Variants in COL25A1 observed in about 807,000 individuals in gnomAD.
The protein encoded by COL25A1 is collagen type XXV alpha 1 chain.
Under a neutral mutation model 128.4 loss-of-function variants are expected in COL25A1, and 103 were observed. The observed-to-expected ratio is 0.80, with a 90% CI of 0.68 to 0.94. COL25A1 has a LOEUF of 0.94. Among genes scored for constraint, COL25A1 ranks in the 40% least tolerant of loss-of-function variants. The pLI is 0.00. For synonymous variants in COL25A1, 279 were observed against 277.2 expected (o/e 1.01, Z -0.06); for missense variants, 745 against 840.0 (o/e 0.89, Z 1.40).
intron 3 of COL25A1, among the ~76,000 whole-genome samples, chr4:109,229,085 G>A (rs1462500964): frequency 1.3e-5 from 2 of 152,122 alleles, no homozygotes; most frequent in East Asian, 3.8e-4. Context: ...ATATCTTAAA[G>A]AAAACCCCCA....
intron 5 of COL25A1, among the ~76,000 whole-genome samples, chr4:109,039,971 G>A (rs1759728298): frequency 6.6e-6 from 1 of 152,046 alleles, no homozygotes; most frequent in Non-Finnish European, 1.5e-5. Flanking sequence ...ATATCTTTGA[G>A]GCCAAAGATA....
chr4:109,109,602 G>C (rs542605424), intron 3 of COL25A1, among the ~76,000 whole-genome samples: 1 of 152,100 alleles, frequency 6.6e-6, no homozygotes, highest in African/African-American at 2.4e-5. Flanking sequence ...AACTCTCCCC[G>C]CTATCCTCTG....
intron 13 of COL25A1, among the ~76,000 whole-genome samples, chr4:108,904,504 A>C (rs1348320068): frequency 6.6e-6 from 1 of 152,130 alleles, no homozygotes; most frequent in African/African-American, 2.4e-5. Context: ...TCAGGACAAA[A>C]ATTATCATGA....
At chr4:108,933,089 A>G (rs1024928645) in intron 11 of COL25A1, among the ~76,000 whole-genome samples, 9 of 152,206 alleles carry the variant, frequency 5.9e-5, no homozygotes, top group Admixed American at 5.9e-4. Flanking sequence ...TTTTTATTCT[A>G]TCATAGATGC....
At chr4:108,832,776 C>T (rs1306906635) in intron 31 of COL25A1, 5 of 169,916 alleles carry the variant, frequency 2.9e-5, no homozygotes, top group Non-Finnish European at 3.8e-5. Flanking sequence ...GTGGGTGGAT[C>T]ACCTGAGGTC....
chr4:108,905,983 T>A (rs1743460091), intron 13 of COL25A1, among the ~76,000 whole-genome samples: 1 of 152,108 alleles, frequency 6.6e-6, no homozygotes, highest in South Asian at 2.1e-4. Flanking sequence ...CTCTGTACTG[T>A]CTGTACGGTA....
intron 3 of COL25A1, among the ~76,000 whole-genome samples, chr4:109,239,366 ATGTGTGTGTATGTG>A (rs2126229168): frequency 1.8e-5 from 2 of 113,070 alleles, no homozygotes; most frequent in African/African-American, 7.0e-5. Flanking sequence ...TCTATTATAT[ATGTGTGTGTATGTG>A]TGTGTGTGTG....
Position 108,860,869 on chromosome 4 carries a change from G to T in COL25A1, c.1242+58C>A. On this transcript the variant is annotated intron_variant, in intron 23 of 37. Transcript: ENST00000399132. ...GTCATATGAATAGCCATGCAGACAT[G>T]AATTCAAATCTGGGATTGTAGGGAG... is the stretch of plus-strand genomic sequence containing the variant. 9 of 1,390,900 alleles carry T rather than the reference G, an allele frequency of 6.5e-6. No individual in the cohort carries two copies. In the South Asian group the frequency reaches 1.0e-4, roughly 16 times the overall value. The allele number at this position is 1,390,900 out of a possible 1,614,324, so 86.2% of individuals were successfully genotyped here.
intron 3 of COL25A1, among the ~76,000 whole-genome samples, chr4:109,119,244 C>G (rs562641387): frequency 6.6e-6 from 1 of 151,558 alleles, no homozygotes; most frequent in African/African-American, 2.4e-5. Flanking sequence ...ATTGGATGCA[C>G]GTATTAGAAA....
chr4:109,096,358 T>C (rs1765400478), intron 3 of COL25A1, among the ~76,000 whole-genome samples: 1 of 152,204 alleles, frequency 6.6e-6, no homozygotes, highest in Admixed American at 6.5e-5. Flanking sequence ...TCTTATTGCT[T>C]AGTGATGTAG....
intron 8 of COL25A1, among the ~76,000 whole-genome samples, chr4:108,965,746 C>T (rs568457092): frequency 5.3e-5 from 8 of 151,576 alleles, no homozygotes; most frequent in African/African-American, 1.5e-4. Flanking sequence ...TAGATGACAA[C>T]GGGAGAAGCA....
chr4:109,088,766 A>T (rs1429323715), intron 3 of COL25A1, among the ~76,000 whole-genome samples: 1 of 152,228 alleles, frequency 6.6e-6, no homozygotes, highest in East Asian at 1.9e-4. Flanking sequence ...GGCCACATGT[A>T]ACCATTGAAG....
chr4:108,952,978 C>T (rs184770367), intron 8 of COL25A1, among the ~76,000 whole-genome samples: 16 of 151,684 alleles, frequency 1.1e-4, no homozygotes, highest in Non-Finnish European at 2.1e-4. Context: ...ATTGAGTTGA[C>T]TCTAAAATTC....
At chr4:108,865,498 G>T (rs945432190) in intron 20 of COL25A1, among the ~76,000 whole-genome samples, 6 of 152,152 alleles carry the variant, frequency 3.9e-5, no homozygotes, top group Admixed American at 3.3e-4. Flanking sequence ...AGATACAGGA[G>T]ATAGACACAA....
At chr4:108,852,951 A>G in intron 24 of COL25A1, 26 bp from the exon 25 acceptor site, 2 of 1,602,780 alleles carry the variant, frequency 1.2e-6, no homozygotes, top group Non-Finnish European at 8.5e-7. Flanking sequence ...GTTGACAAAG[A>G]CAGAGTTATC....
intron 3 of COL25A1, among the ~76,000 whole-genome samples, chr4:109,134,608 C>T (rs1270507788): frequency 6.6e-6 from 1 of 152,000 alleles, no homozygotes; most frequent in African/African-American, 2.4e-5. Flanking sequence ...GAAGAAAAAG[C>T]TAAGAAGAAT....
At chr4:108,884,704 A>G (rs1740568079) in intron 18 of COL25A1, among the ~76,000 whole-genome samples, 2 of 152,226 alleles carry the variant, frequency 1.3e-5, no homozygotes, top group Non-Finnish European at 2.9e-5. Flanking sequence ...CTTAAAAAGT[A>G]TAGTAAGCTT....
chr4:109,072,927 G>A (rs1447271150), intron 3 of COL25A1, among the ~76,000 whole-genome samples: 1 of 152,158 alleles, frequency 6.6e-6, no homozygotes, highest in Non-Finnish European at 1.5e-5. Flanking sequence ...CCCTGACTCT[G>A]CAGCACAGTG....
Position 109,022,626 on chromosome 4 carries a change from A to G in COL25A1, c.421-12251T>C, listed in dbSNP as rs191141618. On this transcript the variant is annotated intron_variant, in intron 5 of 37. Coordinates refer to ENST00000399132, the MANE Select transcript of COL25A1 (RefSeq NM_198721.4). ...CACTTGAAAATGCATCATAATTTTC[A>G]TAATATGAAGGTCTGTGGTGAGGCA... Among the ~76,000 whole-genome samples the G allele has an allele frequency of 9.2e-5, 14 of 152,358 alleles. No homozygotes were observed. In the East Asian group the frequency reaches 1.7e-3, roughly 19 times the overall value.
Sources: allele counts gnomAD v4.1 joint callset (sites outside exome capture counted in the v4.1 genomes callset), GRCh38; gene constraint gnomAD v4.1.1; transcripts MANE v1.5; gene names NCBI Gene and HGNC (gene_info 2026-07-23, HGNC 2026-07-21).